SNTG1: variants seen among roughly 807,000 people sequenced by gnomAD.
SNTG1 encodes the protein syntrophin gamma 1.
A neutral mutation model predicts 74.7 loss-of-function variants in SNTG1; 39 were observed. The observed-to-expected ratio is 0.52, with a 90% CI of 0.40 to 0.68. SNTG1 has a LOEUF of 0.68. SNTG1 is among the 30% of genes least tolerant of loss of function. The pLI is 0.00. For missense variants in SNTG1, 685 were observed against 609.5 expected (o/e 1.12, Z -1.30); for synonymous variants, 254 against 217.1 (o/e 1.17, Z -1.49).
intron 1 of SNTG1, among the ~76,000 whole-genome samples, chr8:49,931,345 A>G (rs1226199165): frequency 2.6e-5 from 4 of 152,164 alleles, no homozygotes; most frequent in African/African-American, 9.7e-5. Context: ...ACCTAAATAC[A>G]TGTGAGATTC....
chr8:50,255,862 G>A (rs1215162981), intron 2 of SNTG1, among the ~76,000 whole-genome samples: 1 of 152,018 alleles, frequency 6.6e-6, no homozygotes, highest in African/African-American at 2.4e-5. Context: ...GAGACACCAT[G>A]CAGTCTGTAA....
chr8:50,227,830 CAT>C (rs2085412219), intron 2 of SNTG1, among the ~76,000 whole-genome samples: 1 of 149,476 alleles, frequency 6.7e-6, no homozygotes, highest in Non-Finnish European at 1.5e-5. Context: ...GCCAAATTAA[CAT>C]ATATCCCAAA....
At chr8:50,715,223 T>A (rs188765823) in intron 17 of SNTG1, among the ~76,000 whole-genome samples, 2 of 152,260 alleles carry the variant, frequency 1.3e-5, no homozygotes, top group Non-Finnish European at 2.9e-5. Flanking sequence ...ACAAAGAATA[T>A]TCATACTATG....
chr8:50,572,256 T>TTTA (rs1554577771), intron 12 of SNTG1, among the ~76,000 whole-genome samples: 1 of 113,422 alleles, frequency 8.8e-6, no homozygotes, highest in African/African-American at 3.3e-5. Flanking sequence ...CTATCACCTA[T>TTTA]TTTATATATA....
intron 2 of SNTG1, among the ~76,000 whole-genome samples, chr8:50,206,387 A>ATTGGT (rs2084238994): frequency 6.6e-6 from 1 of 152,146 alleles, no homozygotes; most frequent in Admixed American, 6.5e-5. Context: ...ATTGGTGTGT[A>ATTGGT]AGAATGCTTG....
chr8:50,079,410 G>GT (rs557487549), intron 1 of SNTG1, among the ~76,000 whole-genome samples: 32,922 of 145,146 alleles, frequency 0.23, 3,678 homozygotes, highest in South Asian at 0.38. Flanking sequence ...GGGGTTGTTT[G>GT]TTTTTTTTTT....
At chr8:50,512,373 T>C (rs1020321009) in intron 9 of SNTG1, among the ~76,000 whole-genome samples, 1 of 152,106 alleles carries the variant, frequency 6.6e-6, no homozygotes, top group African/African-American at 2.4e-5. Flanking sequence ...TCAACTTTGG[T>C]GAATCTGACA....
At chr8:50,006,727 A>G (rs318920) in intron 1 of SNTG1, among the ~76,000 whole-genome samples, 124,177 of 152,052 alleles carry the variant, frequency 0.82, 50,888 homozygotes, top group East Asian at 0.95. Flanking sequence ...GCTTTGGGTG[A>G]GCAGACGAAA....
chr8:50,758,298 T>C (rs1387014346), intron 18 of SNTG1, among the ~76,000 whole-genome samples: 5 of 151,916 alleles, frequency 3.3e-5, no homozygotes, highest in Non-Finnish European at 5.9e-5. Flanking sequence ...TTTCCGTGTA[T>C]TATGATTTGC....
intron 13 of SNTG1, among the ~76,000 whole-genome samples, chr8:50,654,949 C>G (rs1338419901): frequency 1.3e-5 from 2 of 152,146 alleles, no homozygotes; most frequent in African/African-American, 4.8e-5. Flanking sequence ...CATTTTGATC[C>G]AAACCTGTGA....
intron 13 of SNTG1, among the ~76,000 whole-genome samples, chr8:50,603,524 AT>A (rs200297979): frequency 3.1e-4 from 47 of 151,712 alleles, no homozygotes; most frequent in South Asian, 2.1e-4. Flanking sequence ...TGTCTTATTT[AT>A]TTTTTTTGGA....
intron 15 of SNTG1, among the ~76,000 whole-genome samples, chr8:50,689,636 T>G (rs2131435299): frequency 6.6e-6 from 1 of 152,354 alleles, no homozygotes; most frequent in South Asian, 2.1e-4. Flanking sequence ...GATGTGCTGC[T>G]GGATTCGTTT....
At chr8:50,144,700 A>T (rs2131491509) in intron 1 of SNTG1, among the ~76,000 whole-genome samples, 1 of 152,334 alleles carries the variant, frequency 6.6e-6, no homozygotes, top group South Asian at 2.1e-4. Context: ...AATGAGTGGC[A>T]GGCGACTGAG....
At chr8:50,062,720 T>C (rs1820582802) in intron 1 of SNTG1, among the ~76,000 whole-genome samples, 1 of 152,202 alleles carries the variant, frequency 6.6e-6, no homozygotes, top group Non-Finnish European at 1.5e-5. Context: ...GCATTGAATT[T>C]TGAGAACTTT....
chr8:50,168,011 CTT>C (rs2082685948), intron 1 of SNTG1, among the ~76,000 whole-genome samples: 1 of 151,880 alleles, frequency 6.6e-6, no homozygotes, highest in African/African-American at 2.4e-5. Flanking sequence ...TAAATTTTAA[CTT>C]ATAATTTGAT....
chr8:50,538,979 T>C (rs1302648963), intron 11 of SNTG1, among the ~76,000 whole-genome samples: 1 of 152,218 alleles, frequency 6.6e-6, no homozygotes, highest in African/African-American at 2.4e-5. Flanking sequence ...TTCAGCATTT[T>C]ATTTTTTGTC....
intron 1 of SNTG1, among the ~76,000 whole-genome samples, chr8:50,058,993 T>C (rs1181875996): frequency 6.6e-6 from 1 of 152,090 alleles, no homozygotes; most frequent in African/African-American, 2.4e-5. Context: ...AATTCAATCA[T>C]ACAGTGTGCA....
chr8:50,185,756 A>G (rs2131742287), intron 2 of SNTG1, among the ~76,000 whole-genome samples: 1 of 152,218 alleles, frequency 6.6e-6, no homozygotes, highest in Admixed American at 6.5e-5. Context: ...CTATTAATGT[A>G]CATTTCTATG....
At chr8:50,271,431 A>C (rs1348858431) in intron 2 of SNTG1, among the ~76,000 whole-genome samples, 4 of 152,154 alleles carry the variant, frequency 2.6e-5, no homozygotes, top group Admixed American at 2.0e-4. Flanking sequence ...TTATTTTGGC[A>C]TCTGCATAAA....
Sources: gnomAD v4.1 joint callset for allele counts (sites outside exome capture counted in the v4.1 genomes callset) on GRCh38, gnomAD v4.1.1 for gene constraint, MANE v1.5 for transcripts, NCBI Gene and HGNC (gene_info 2026-07-23, HGNC 2026-07-21) for gene names.